The following HUWE1 variants were observed in gnomAD, a reference collection of about 807,000 sequenced individuals.
HUWE1 encodes the protein E3 ubiquitin-protein ligase HUWE1.
HUWE1 carries 18 observed loss-of-function variants against 299.4 expected under a neutral mutation model. The ratio of observed to expected loss-of-function variants is 0.06; its 90% confidence interval spans 0.04 to 0.09. The LOEUF is 0.09. Among genes scored for constraint, HUWE1 ranks in the 10% least tolerant of loss-of-function variants. The probability of loss-of-function intolerance (pLI) is 1.00; values close to 1 mark genes in which losing one functional copy is unlikely to be tolerated. For missense variants in HUWE1, 1,832 were observed against 3,462.3 expected, an observed-to-expected ratio of 0.53 and a Z score of 11.82; for synonymous variants, 1,317 against 1,286.1, an observed-to-expected ratio of 1.02 and a Z score of -0.51.
At chrX:53,575,616 GA>G in intron 45 of HUWE1, 26 bp downstream of exon 45, 1 of 1,199,647 alleles carries the variant, frequency 8.3e-7, no homozygotes, top group Non-Finnish European at 1.1e-6. Flanking sequence ...TGAGAAGAAA[GA>G]TAAAACGCTG....
intron 28 of HUWE1, among the ~76,000 whole-genome samples, chrX:53,602,340 T>TG (rs1270695366): frequency 9.2e-6 from 1 of 109,198 alleles, no homozygotes; most frequent in Non-Finnish European, 1.9e-5. Context: ...AAATGTTTTT[T>TG]TTTTTTTTTG....
At chrX:53,552,185 T>C (rs2061794777) in intron 63 of HUWE1, 126 bp downstream of exon 63, 3 of 773,079 alleles carry the variant, frequency 3.9e-6, no homozygotes, top group Non-Finnish European at 3.9e-6. Context: ...CCCCCGCTTA[T>C]TGTCAGTCCT....
At chrX:53,635,706 G>C (rs1603223121) in intron 7 of HUWE1, among the ~76,000 whole-genome samples, 2 of 111,160 alleles carry the variant, frequency 1.8e-5, no homozygotes, top group South Asian at 7.7e-4. Context: ...GTCTAGTGTG[G>C]GTCCCAATCA....
intron 1 of HUWE1, 23 bp from the exon 2 acceptor site, chrX:53,686,391 G>A (rs1161665105): frequency 3.5e-5 from 4 of 112,981 alleles, no homozygotes; most frequent in African/African-American, 1.3e-4. Flanking sequence ...AGAGGAGGCG[G>A]GGTTCAGGGA....
chrX:53,663,594 A>G (rs1222663037), intron 3 of HUWE1, among the ~76,000 whole-genome samples: 1 of 111,345 alleles, frequency 9.0e-6, no homozygotes, highest in Non-Finnish European at 1.9e-5. Flanking sequence ...AAGGTAAATA[A>G]AGACACTAGC....
chrX:53,624,917 C>T (rs1315331708), intron 18 of HUWE1, among the ~76,000 whole-genome samples: 3 of 110,910 alleles, frequency 2.7e-5, no homozygotes, highest in Non-Finnish European at 5.7e-5. Context: ...GGTAATAAGA[C>T]GGAATTAAGC....
In HUWE1 at chrX:53,552,646, A is replaced by C. The variant is rs782554995; in HGVS notation, c.8742T>G (p.Pro2914=). ...SDGSGESAQP[P]EDSSPPASSE... is the part of the protein sequence containing the mutation. ...TGCCCACACATGCTTACCTGTCCTC[A>C]GGTGGCTGGGCAGATTCCCCTGACC... is the stretch of plus-strand genomic sequence containing the variant. Residue 2914 remains proline, a synonymous_variant, in exon 62 of 84, where the codon CCT becomes CCG. Transcript: ENST00000262854. 4.3e-5 allele frequency: 52 copies of C among 1,210,583 alleles called. No individual in the cohort carries two copies. In the Admixed American group the frequency reaches 1.1e-3, roughly 26 times the overall value.
chrX:53,551,538 G>A, intron 63 of HUWE1, 58 bp from the exon 64 acceptor site: 6 of 1,034,279 alleles, frequency 5.8e-6, no homozygotes, highest in Non-Finnish European at 7.9e-6. Flanking sequence ...TTGAGACGGG[G>A]TCTTGGTCTG....
chrX:53,544,865 A>G, intron 71 of HUWE1, 103 bp from the exon 72 acceptor site: 1 of 926,238 alleles, frequency 1.1e-6, no homozygotes. Context: ...AAGGAAACTC[A>G]GAAGGAAATC....
At chrX:53,643,335 G>A (rs781895839) in intron 7 of HUWE1, among the ~76,000 whole-genome samples, 46 of 110,516 alleles carry the variant, frequency 4.2e-4, no homozygotes, top group Non-Finnish European at 7.6e-4. Flanking sequence ...TGTGAATGGG[G>A]TCTTTTCACC....
intron 28 of HUWE1, among the ~76,000 whole-genome samples, chrX:53,601,682 T>G (rs1055332937): frequency 1.9e-5 from 2 of 107,184 alleles, no homozygotes; most frequent in African/African-American, 6.8e-5. Flanking sequence ...TTTTTTTTTT[T>G]CCTGAGGCGG....
Position 53,547,925 on chromosome X carries a change from T to C in HUWE1, c.10384A>G (p.Ile3462Val), listed in dbSNP as rs371826669. 4.1e-6 allele frequency: 5 copies of C among 1,208,470 alleles called. No homozygotes were observed. The highest frequency in any genetic ancestry group is 4.5e-6 in the Non-Finnish European group (4 of 894,712). The change falls in exon 68 of 84, where the codon ATT becomes GTT. Residue 3462 changes from isoleucine (I) to valine (V), a missense_variant. Ile to Val is a conservative substitution (Grantham distance 29). Around this residue, in one of 15 missense-constraint regions of HUWE1, gnomAD observed 119 missense variants for 124.6 expected, o/e 0.96. Transcript: ENST00000262854. Reference protein sequence around the residue: ...KLLRLLSLISIALPENKVSEA... With the variant: ...KLLRLLSLISVALPENKVSEA... ...GACACCTTGTTTTCTGGGAGAGCAA[T>C]TGAGATGAGAGAAAGGAGTCTGAGG...
chrX:53,676,887 T>C (rs2069849093), intron 3 of HUWE1, among the ~76,000 whole-genome samples: 2 of 111,640 alleles, frequency 1.8e-5, no homozygotes, highest in African/African-American at 6.5e-5. Context: ...ATTGAGTATT[T>C]ATCCTGCTCT....
intron 3 of HUWE1, among the ~76,000 whole-genome samples, chrX:53,674,683 AT>A (rs1446850151): frequency 1.8e-5 from 2 of 111,720 alleles, no homozygotes; most frequent in Non-Finnish European, 3.8e-5. Flanking sequence ...GCTATAGCAC[AT>A]TTTGTTCATT....
chrX:53,618,599 C>T (rs2065937287), intron 19 of HUWE1, among the ~76,000 whole-genome samples: 1 of 102,962 alleles, frequency 9.7e-6, no homozygotes. Context: ...GAGTCTCACT[C>T]TGTCGCCCAG....
chrX:53,642,163 G>C (rs1312980896), intron 7 of HUWE1, among the ~76,000 whole-genome samples: 1 of 111,657 alleles, frequency 9.0e-6, no homozygotes, highest in Non-Finnish European at 1.9e-5. Context: ...CGAAACCTCG[G>C]ATAAGGGGAG....
intron 43 of HUWE1, among the ~76,000 whole-genome samples, chrX:53,580,154 G>A (rs1226572699): frequency 9.1e-6 from 1 of 109,970 alleles, no homozygotes; most frequent in Non-Finnish European, 1.9e-5. Context: ...GGAGATCAAG[G>A]GTATTTTTAT....
chrX:53,560,993 C>CT (rs1408497437), intron 55 of HUWE1, among the ~76,000 whole-genome samples: 1 of 111,992 alleles, frequency 8.9e-6, no homozygotes, highest in Non-Finnish European at 1.9e-5. Context: ...AGGCTCAACT[C>CT]TAAGGGAAAC....
chrX:53,534,730 T>C, intron 81 of HUWE1, 33 bp from the exon 82 acceptor site: 2 of 1,176,690 alleles, frequency 1.7e-6, no homozygotes, highest in Non-Finnish European at 2.3e-6. Context: ...AAATGACTTC[T>C]AAACTCACAC....
Sources: allele counts gnomAD v4.1 joint callset (sites outside exome capture counted in the v4.1 genomes callset), GRCh38; gene constraint gnomAD v4.1.1; regional missense constraint gnomAD v4.1.1; transcripts MANE v1.5; gene names NCBI Gene and HGNC (gene_info 2026-07-23, HGNC 2026-07-21).